The following AGBL1 variants were observed in gnomAD, a reference collection of about 807,000 sequenced individuals.
AGBL1 encodes the protein cytosolic carboxypeptidase 4.
Under a neutral mutation model 118.9 loss-of-function variants are expected in AGBL1, and 130 were observed. The ratio of observed to expected loss-of-function variants is 1.09; its 90% CI spans 0.95 to 1.26. The LOEUF is 1.26. Among genes scored for constraint, AGBL1 ranks in the 50% most tolerant of loss-of-function variants. AGBL1 has a pLI of 0.00. For missense variants in AGBL1, 1,584 were observed against 1,298.1 expected, an observed-to-expected ratio of 1.22 and a Z score of -3.38; for synonymous variants, 555 against 478.9, an observed-to-expected ratio of 1.16 and a Z score of -2.08.
intron 22 of AGBL1, among the ~76,000 whole-genome samples, chr15:86,776,967 C>T (rs780167972): frequency 2.6e-4 from 40 of 151,840 alleles, no homozygotes; most frequent in Non-Finnish European, 5.0e-4. Context: ...TTGTTCCTAA[C>T]CAAACACAAT....
At chr15:86,891,688 A>T (rs756542843) in intron 22 of AGBL1, among the ~76,000 whole-genome samples, 1 of 152,082 alleles carries the variant, frequency 6.6e-6, no homozygotes, top group Non-Finnish European at 1.5e-5. Flanking sequence ...TGGGTTGCCC[A>T]CAAGCACCTT....
intron 18 of AGBL1, among the ~76,000 whole-genome samples, chr15:86,513,658 G>A (rs1054365617): frequency 6.6e-6 from 1 of 151,996 alleles, no homozygotes; most frequent in African/African-American, 2.4e-5. Context: ...CAAATGATAA[G>A]TTTTTTAAGT....
chr15:86,743,693 A>C (rs1031409), intron 22 of AGBL1, among the ~76,000 whole-genome samples: 122,785 of 152,076 alleles, frequency 0.81, 49,914 homozygotes, highest in East Asian at 0.95. Flanking sequence ...TCTAAAGAAG[A>C]CCCCAAGGGG....
At chr15:86,851,538 A>G (rs779473983) in intron 22 of AGBL1, among the ~76,000 whole-genome samples, 1 of 152,214 alleles carries the variant, frequency 6.6e-6, no homozygotes, top group Non-Finnish European at 1.5e-5. Flanking sequence ...GTATCCCCAG[A>G]ATTTCCTGAA....
chr15:86,772,621 A>G (rs1183592353), intron 22 of AGBL1, among the ~76,000 whole-genome samples: 1 of 152,036 alleles, frequency 6.6e-6, no homozygotes, highest in African/African-American at 2.4e-5. Context: ...GGCCTGGGAT[A>G]ATGCCAATAT....
intron 3 of AGBL1, among the ~76,000 whole-genome samples, chr15:86,144,832 A>G (rs1463976036): frequency 1.3e-5 from 2 of 152,202 alleles, no homozygotes; most frequent in Non-Finnish European, 2.9e-5. Flanking sequence ...TAAAAAAATA[A>G]AGTCTATAAT....
chr15:86,857,876 G>A (rs189628431), intron 22 of AGBL1, among the ~76,000 whole-genome samples: 1 of 152,244 alleles, frequency 6.6e-6, no homozygotes, highest in African/African-American at 2.4e-5. Context: ...TCTCTTTGGT[G>A]TCTTCTGCAT....
chr15:86,181,023 A>G (rs937743312), intron 5 of AGBL1, among the ~76,000 whole-genome samples: 1 of 152,144 alleles, frequency 6.6e-6, no homozygotes, highest in African/African-American at 2.4e-5. Context: ...CATCACAAGA[A>G]TTGGCAAAGA....
At chr15:86,588,664 C>G (rs1318462701) in intron 21 of AGBL1, among the ~76,000 whole-genome samples, 2 of 152,184 alleles carry the variant, frequency 1.3e-5, no homozygotes, top group African/African-American at 4.8e-5. Context: ...ACAGCAGGCT[C>G]ACCTCTGAAG....
chr15:86,306,506 T>C (rs1400907434), intron 17 of AGBL1, among the ~76,000 whole-genome samples: 1 of 152,220 alleles, frequency 6.6e-6, no homozygotes, highest in African/African-American at 2.4e-5. Context: ...TTCTTTTTTA[T>C]GGCTGAATAA....
chr15:86,690,465 G>A (rs950796987), intron 22 of AGBL1, among the ~76,000 whole-genome samples: 2 of 152,128 alleles, frequency 1.3e-5, no homozygotes, highest in Admixed American at 6.6e-5. Context: ...TTCATTTGGG[G>A]TGAGATTTAG....
chr15:86,854,970 C>G (rs368433952), intron 22 of AGBL1, among the ~76,000 whole-genome samples: 6 of 152,180 alleles, frequency 3.9e-5, no homozygotes, highest in African/African-American at 7.2e-5. Flanking sequence ...CTACACCCCC[C>G]CACTGGTCCT....
intron 22 of AGBL1, among the ~76,000 whole-genome samples, chr15:86,871,625 G>T (rs2079729517): frequency 6.6e-6 from 1 of 152,002 alleles, no homozygotes. Flanking sequence ...TCAGACTTGG[G>T]GTCCCCTGGC....
At chr15:86,601,252 A>G (rs1441576615) in intron 21 of AGBL1, among the ~76,000 whole-genome samples, 2 of 152,194 alleles carry the variant, frequency 1.3e-5, no homozygotes, top group African/African-American at 2.4e-5. Context: ...TCTTCTGTAG[A>G]CTTAGCTAGC....
At chr15:86,520,551 A>G (rs2083175363) in intron 18 of AGBL1, among the ~76,000 whole-genome samples, 1 of 152,186 alleles carries the variant, frequency 6.6e-6, no homozygotes, top group Non-Finnish European at 1.5e-5. Flanking sequence ...TTCTCCATGT[A>G]GATGTTGCCC....
chr15:86,350,148 C>T (rs887812901), intron 17 of AGBL1, among the ~76,000 whole-genome samples: 11 of 152,134 alleles, frequency 7.2e-5, no homozygotes, highest in African/African-American at 2.7e-4. Flanking sequence ...GGGAGTAATG[C>T]TTAACACTGT....
intron 23 of AGBL1, among the ~76,000 whole-genome samples, chr15:86,955,830 G>C (rs1488905393): frequency 2.0e-5 from 3 of 151,904 alleles, no homozygotes; most frequent in African/African-American, 7.2e-5. Flanking sequence ...ATAGAAGAAA[G>C]GTTTTAGGAG....
At chr15:86,203,556 G>A (rs2077941825) in intron 5 of AGBL1, among the ~76,000 whole-genome samples, 1 of 152,172 alleles carries the variant, frequency 6.6e-6, no homozygotes. Context: ...GGCTTTTTGA[G>A]TTTCTCACTG....
At chr15:86,965,491 T>C (rs1178184408) in intron 23 of AGBL1, among the ~76,000 whole-genome samples, 1 of 152,094 alleles carries the variant, frequency 6.6e-6, no homozygotes, top group Admixed American at 6.6e-5. Flanking sequence ...TGTTTTTTTC[T>C]TGTAAATTTG....
Sources: gnomAD v4.1 joint callset for allele counts (sites outside exome capture counted in the v4.1 genomes callset) on GRCh38, gnomAD v4.1.1 for gene constraint, MANE v1.5 for transcripts, NCBI Gene and HGNC (gene_info 2026-07-23, HGNC 2026-07-21) for gene names.